BRSK2: variants seen among roughly 807,000 people sequenced by gnomAD.
The protein encoded by BRSK2 is BR serine/threonine kinase 2.
Under a neutral mutation model 83.3 loss-of-function variants are expected in BRSK2, and 19 were observed. The observed-to-expected ratio is 0.23, with a 90% CI of 0.16 to 0.33. The LOEUF (loss-of-function observed/expected upper bound fraction) is 0.33. Ranked by LOEUF, BRSK2 falls within the 10% of genes least tolerant of loss-of-function variation. BRSK2 has a pLI of 1.00. For missense variants in BRSK2, 798 were observed against 1,042.3 expected (o/e 0.77, Z 3.23); for synonymous variants, 519 against 435.4 (o/e 1.19, Z -2.39).
chr11:1,418,393 G>C (rs1399639164), intron 1 of BRSK2, among the ~76,000 whole-genome samples: 1 of 141,364 alleles, frequency 7.1e-6, no homozygotes, highest in South Asian at 2.3e-4. Flanking sequence ...CCTGTATCCT[G>C]CTTCTGTTGG....
At chr11:1,420,213 C>G (rs4963044) in intron 1 of BRSK2, among the ~76,000 whole-genome samples, 68,073 of 152,100 alleles carry the variant, frequency 0.45, 16,132 homozygotes, top group Non-Finnish European at 0.51. Flanking sequence ...AGTGGGGTGG[C>G]CTTGTTAGGA....
In BRSK2 at chr11:1,419,291, G is replaced by A. The variant is rs369650491; in HGVS notation, c.92-16749G>A. 3.8e-4 allele frequency among the ~76,000 whole-genome samples: 58 copies of A among 152,150 alleles called. 1 individual carries two copies. The highest frequency in any genetic ancestry group is 1.3e-3 in the African/African-American group (54 of 41,492). ...CATGTCAGGTGTGAGTCTGGGCACC[G>A]GGGGGCCTTCGCTGAGCTGTGTTTG... On this transcript the variant is annotated intron_variant, in intron 1 of 19. Coordinates refer to ENST00000528841, the MANE Select transcript of BRSK2 (RefSeq NM_001256627.2).
At chr11:1,427,173 G>A (rs184598279) in intron 1 of BRSK2, among the ~76,000 whole-genome samples, 47 of 152,128 alleles carry the variant, frequency 3.1e-4, no homozygotes, top group African/African-American at 7.7e-4. Flanking sequence ...GGGCGCTGCC[G>A]GCAGAGCTGC....
chr11:1,420,042 G>C (rs931481104), intron 1 of BRSK2, among the ~76,000 whole-genome samples: 5 of 152,270 alleles, frequency 3.3e-5, no homozygotes, highest in African/African-American at 1.2e-4. Flanking sequence ...AAGCCTGGTT[G>C]AGTGCAGAGC....
intron 1 of BRSK2, among the ~76,000 whole-genome samples, chr11:1,428,738 G>A (rs539871769): frequency 2.4e-4 from 37 of 152,346 alleles, no homozygotes; most frequent in South Asian, 6.2e-4. Context: ...ATGTTTGTAC[G>A]TATGTGTGCA....
chr11:1,455,598 G>A (rs1846410730), intron 16 of BRSK2, among the ~76,000 whole-genome samples: 1 of 152,046 alleles, frequency 6.6e-6, no homozygotes, highest in Non-Finnish European at 1.5e-5. Context: ...GCGCTGGGCA[G>A]GGCAGGCCTC....
intron 16 of BRSK2, among the ~76,000 whole-genome samples, chr11:1,455,728 C>G (rs1043970377): frequency 6.6e-6 from 1 of 152,126 alleles, no homozygotes; most frequent in East Asian, 1.9e-4. Flanking sequence ...CTGGTTGCCA[C>G]GGCTAACCTC....
At position 1,460,905 on chromosome 11, in the gene BRSK2, C is replaced by G; in HGVS notation, c.*182C>G. Reference sequence around the variant, plus strand: ...GGGCTGCGCCACCCGCGCCCGCTCTCTTTTCTCTCTGTCTCTGCCTCTGCC... The same window carrying G: ...GGGCTGCGCCACCCGCGCCCGCTCTGTTTTCTCTCTGTCTCTGCCTCTGCC... On this transcript the variant is annotated 3_prime_UTR_variant, in exon 20 of 20. Coordinates refer to ENST00000528841, the MANE Select transcript of BRSK2 (RefSeq NM_001256627.2). 1.9e-6 allele frequency: 3 copies of G among 1,610,002 alleles called. No homozygotes were observed. Among genetic ancestry groups the G allele is most frequent in the East Asian group, 2.2e-5 (1 of 44,784 alleles).
At chr11:1,417,801 G>A (rs1283619692) in intron 1 of BRSK2, among the ~76,000 whole-genome samples, 1 of 134,696 alleles carries the variant, frequency 7.4e-6, no homozygotes, top group Admixed American at 7.3e-5. Context: ...TTCTTCTCTT[G>A]AGAGTGGGTC....
Position 1,454,471 on chromosome 11 carries a change from C to A in BRSK2, c.1545-14C>A. Reference sequence around the variant, plus strand: ...ACACCTCAATCCTCACAGCCTCTGTCTCCCACTGCCCAGGCTGGCGAAGAA... The same window carrying A: ...ACACCTCAATCCTCACAGCCTCTGTATCCCACTGCCCAGGCTGGCGAAGAA... On this transcript the variant is annotated splice_polypyrimidine_tract_variant and intron_variant, in intron 15 of 19. Transcript: ENST00000528841. This position sits in a 1 kb window ranked among gnomAD's most constrained non-coding sequence, Gnocchi z 5.2. 1.9e-6 allele frequency: 3 copies of A among 1,612,730 alleles called. No individual in the cohort carries two copies. Among genetic ancestry groups the A allele is most frequent in the Non-Finnish European group, 2.5e-6 (3 of 1,179,750 alleles).
At chr11:1,442,699 GCCTC>G (rs1564850611) in intron 5 of BRSK2, 93 bp downstream of exon 5, 2 of 1,030,812 alleles carry the variant, frequency 1.9e-6, no homozygotes, top group Non-Finnish European at 2.9e-6. Context: ...GCCTGCCTGA[GCCTC>G]CCGGCACCCC....
rs1044860327 is a variant in BRSK2, at chr11:1,459,220, G to A, written c.1968G>A (p.Thr656=). Residue 656 remains threonine, a synonymous_variant, in exon 19 of 20, where the codon ACG becomes ACA. Transcript: ENST00000528841. ...SDTTNCMEMM[T]GRLSKCGSPL... ...CCACTAACTGTATGGAAATGATGAC[G>A]GGGCGGCTTTCCAAATGTGGTAAGA... 18 of 1,613,754 alleles carry A rather than the reference G, an allele frequency of 1.1e-5. No homozygotes were observed. The highest frequency in any genetic ancestry group is 1.7e-4 in the Middle Eastern group (1 of 6,054).
intron 1 of BRSK2, among the ~76,000 whole-genome samples, chr11:1,422,084 C>G (rs12803212): frequency 6.6e-6 from 1 of 151,846 alleles, no homozygotes. Flanking sequence ...CGGGTGTATT[C>G]GAGGCGGGGT....
At position 1,456,455 on chromosome 11, in the gene BRSK2, T is replaced by C. The variant is rs758550294; in HGVS notation, c.1776T>C (p.Asp592=). The C allele has an allele frequency of 6.3e-6, 10 of 1,589,116 alleles. No homozygotes were observed. The African/African-American group carries it at 1.3e-4, about 21-fold the overall frequency. ...AGAAGCCGGTCAAGTTCCAGGTTGA[T>C]ATCACCTACACGGAGGGTGGGGAGG... ...VFQKPVKFQV[D]ITYTEGGEAQ... Residue 592 remains aspartate, a synonymous_variant, in exon 17 of 20, where the codon GAT becomes GAC. Transcript: ENST00000528841.
intron 12 of BRSK2, chr11:1,447,747 G>T: frequency 6.4e-7 from 1 of 1,555,746 alleles, no homozygotes; most frequent in Non-Finnish European, 8.7e-7. Flanking sequence ...GCCGACCTGT[G>T]CCCGCGTGTG....
At chr11:1,456,267 GCTCGCCCCAGGGCTGC>G (rs1297193231) in intron 16 of BRSK2, 65 bp from the exon 17 acceptor site, 6 of 1,388,024 alleles carry the variant, frequency 4.3e-6, no homozygotes, top group Non-Finnish European at 5.8e-6. Flanking sequence ...GGTGGGGCTG[GCTCGCCCCAGGGCTGC>G]CTCCCCAGAG....
chr11:1,423,692 TGCCCCAGGCCTCCCCCGCTGGGCGTTCC>T lies in BRSK2; in HGVS notation c.92-12346_92-12319del, dbSNP rs1848863972. On this transcript the variant is annotated intron_variant, in intron 1 of 19. Coordinates refer to ENST00000528841, the MANE Select transcript of BRSK2 (RefSeq NM_001256627.2). This position sits in a 1 kb window ranked among gnomAD's most constrained non-coding sequence, Gnocchi z 6.5. ...AGCCTCCCCCGCTGGGCGTTCCGGG[TGCCCCAGGCCTCCCCCGCTGGGCGTTCC>T]GGGTGCCCCAGGCCTCCCCCGCTGG... Among the ~76,000 whole-genome samples, 1 of 148,750 alleles carries T rather than the reference TGCCCCAGGCCTCCCCCGCTGGGCGTTCC, an allele frequency of 6.7e-6. No individual in the cohort carries two copies. The highest frequency in any genetic ancestry group is 1.5e-5 in the Non-Finnish European group (1 of 67,660).
At chr11:1,442,990 C>G in intron 5 of BRSK2, 116 bp from the exon 6 acceptor site, 1 of 1,188,366 alleles carries the variant, frequency 8.4e-7, no homozygotes, top group Middle Eastern at 2.5e-4. Context: ...AATGTGGGGG[C>G]GTCTGGCACC....
At chr11:1,434,033 G>A (rs1428842518) in intron 1 of BRSK2, among the ~76,000 whole-genome samples, 2 of 152,258 alleles carry the variant, frequency 1.3e-5, no homozygotes, top group Non-Finnish European at 2.9e-5. Context: ...GGGAATGGAG[G>A]TTTGACGCGT....
Sources: allele counts gnomAD v4.1 joint callset (sites outside exome capture counted in the v4.1 genomes callset), GRCh38; gene constraint gnomAD v4.1.1; non-coding constraint Gnocchi (gnomAD v3.1); transcripts MANE v1.5; gene names NCBI Gene and HGNC (gene_info 2026-07-23, HGNC 2026-07-21).